NTRK2: variants seen among roughly 807,000 people sequenced by gnomAD.
NTRK2 encodes the protein BDNF/NT-3 growth factors receptor.
NTRK2 carries 13 observed loss-of-function variants against 94.5 expected under a neutral mutation model. The ratio of observed to expected loss-of-function variants is 0.14; its 90% confidence interval spans 0.09 to 0.22. The LOEUF (loss-of-function observed/expected upper bound fraction) is 0.22. NTRK2 is among the 10% of genes least tolerant of loss of function. The probability of loss-of-function intolerance (pLI) is 1.00; values close to 1 mark genes in which losing one functional copy is unlikely to be tolerated. For synonymous variants in NTRK2, 372 were observed against 407.4 expected, an observed-to-expected ratio of 0.91 and a Z score of 1.05; for missense variants, 639 against 1,071.2, an observed-to-expected ratio of 0.60 and a Z score of 5.63.
chr9:84,773,085 C>A (rs1344056694), intron 12 of NTRK2, among the ~76,000 whole-genome samples: 2 of 151,806 alleles, frequency 1.3e-5, no homozygotes, highest in African/African-American at 2.4e-5. Flanking sequence ...TTTTTTTTTA[C>A]TTTCTTAATT....
At chr9:84,849,051 T>C (rs1262383671) in intron 12 of NTRK2, among the ~76,000 whole-genome samples, 5 of 152,226 alleles carry the variant, frequency 3.3e-5, no homozygotes, top group Admixed American at 3.3e-4. Flanking sequence ...GGAGTCTTTT[T>C]ATAAGATAAA....
chr9:84,886,026 G>A (rs1050596570), intron 14 of NTRK2, among the ~76,000 whole-genome samples: 5 of 151,126 alleles, frequency 3.3e-5, no homozygotes, highest in South Asian at 2.1e-4. Flanking sequence ...GCAAGACTTC[G>A]TCTGAAAAAA....
At chr9:84,982,082 G>A (rs1827695064) in intron 17 of NTRK2, among the ~76,000 whole-genome samples, 1 of 152,180 alleles carries the variant, frequency 6.6e-6, no homozygotes, top group African/African-American at 2.4e-5. Context: ...ACATGCAATA[G>A]TATCTTTCCT....
intron 2 of NTRK2, among the ~76,000 whole-genome samples, chr9:84,700,251 G>A (rs2060640720): frequency 6.6e-6 from 1 of 152,234 alleles, no homozygotes. Flanking sequence ...AGATCATTTA[G>A]AAGAGTGAGG....
intron 14 of NTRK2, among the ~76,000 whole-genome samples, chr9:84,911,755 G>A (rs1017003859): frequency 1.3e-5 from 2 of 151,912 alleles, no homozygotes. Context: ...CAATTTTATT[G>A]ATTTCTGATC....
chr9:84,854,870 C>T (rs1268971704), intron 12 of NTRK2, among the ~76,000 whole-genome samples: 2 of 142,262 alleles, frequency 1.4e-5, no homozygotes, highest in Non-Finnish European at 3.0e-5. Context: ...TTGCTTAAAC[C>T]CAGGAGGCAG....
intron 17 of NTRK2, among the ~76,000 whole-genome samples, chr9:84,958,475 C>T (rs377353671): frequency 5.3e-5 from 8 of 152,214 alleles, no homozygotes; most frequent in East Asian, 1.9e-4. Flanking sequence ...GGAAGAATAA[C>T]GATTCCCAGT....
chr9:84,687,448 C>T (rs903289910), intron 2 of NTRK2, among the ~76,000 whole-genome samples: 20 of 152,078 alleles, frequency 1.3e-4, no homozygotes, highest in South Asian at 4.1e-4. Flanking sequence ...TCCTCTATTG[C>T]GGAGGAATTG....
intron 17 of NTRK2, among the ~76,000 whole-genome samples, chr9:85,014,350 A>G (rs1831981934): frequency 6.6e-6 from 1 of 152,196 alleles, no homozygotes; most frequent in Non-Finnish European, 1.5e-5. Context: ...GTATACCTGG[A>G]AAACGAGTGG....
At chr9:84,910,133 A>T (rs2077196291) in intron 14 of NTRK2, among the ~76,000 whole-genome samples, 1 of 152,042 alleles carries the variant, frequency 6.6e-6, no homozygotes, top group African/African-American at 2.4e-5. Context: ...GACTTAGGAG[A>T]TTTGATTTTT....
chr9:84,822,514 A>G (rs2072914798), intron 12 of NTRK2, among the ~76,000 whole-genome samples: 1 of 152,204 alleles, frequency 6.6e-6, no homozygotes, highest in Non-Finnish European at 1.5e-5. Context: ...AAAGATTTTT[A>G]TCCTGAGAAA....
chr9:84,854,020 T>C (rs1185747649), intron 12 of NTRK2, among the ~76,000 whole-genome samples: 1 of 145,860 alleles, frequency 6.9e-6, no homozygotes, highest in Non-Finnish European at 1.5e-5. Flanking sequence ...TGCAGTGAGC[T>C]GAGATCGCAC....
intron 15 of NTRK2, among the ~76,000 whole-genome samples, chr9:84,937,603 A>AT (rs1453440396): frequency 6.6e-6 from 1 of 152,114 alleles, no homozygotes; most frequent in Non-Finnish European, 1.5e-5. Flanking sequence ...CCCTTTCCTG[A>AT]TATCTTTGGA....
chr9:84,872,352 TGGG>T, intron 14 of NTRK2: 5 of 1,102,124 alleles, frequency 4.5e-6, no homozygotes, highest in Admixed American at 8.9e-5. Context: ...TCATCAATCT[TGGG>T]TTCTCTTGAA....
chr9:84,812,827 T>C (rs2071958062), intron 12 of NTRK2: 1 of 1,038,278 alleles, frequency 9.6e-7, no homozygotes, highest in South Asian at 4.6e-5. Flanking sequence ...TAGATTTTTG[T>C]TTTAAAATGG....
chr9:84,730,439 T>C (rs1478157058), intron 9 of NTRK2, among the ~76,000 whole-genome samples: 1 of 151,936 alleles, frequency 6.6e-6, no homozygotes, highest in African/African-American at 2.4e-5. Context: ...ATTAACCTCC[T>C]TTAAAACTAA....
At chr9:85,008,806 A>G (rs1053836133) in intron 17 of NTRK2, among the ~76,000 whole-genome samples, 7 of 152,210 alleles carry the variant, frequency 4.6e-5, no homozygotes, top group African/African-American at 7.2e-5. Context: ...GTGGAGCAGG[A>G]CTGTGTCAAA....
intron 17 of NTRK2, among the ~76,000 whole-genome samples, chr9:85,003,335 G>A (rs550453349): frequency 6.2e-4 from 95 of 152,200 alleles, no homozygotes; most frequent in Non-Finnish European, 1.1e-3. Context: ...CCGCTGCTCA[G>A]CACTATACTG....
chr9:84,805,851 C>T (rs1022795740), intron 12 of NTRK2, among the ~76,000 whole-genome samples: 4 of 152,228 alleles, frequency 2.6e-5, no homozygotes, highest in Admixed American at 2.0e-4. Flanking sequence ...CTAGCACACT[C>T]AGCCTCCTGG....
Sources: allele counts gnomAD v4.1 joint callset (sites outside exome capture counted in the v4.1 genomes callset), GRCh38; gene constraint gnomAD v4.1.1; transcripts MANE v1.5; gene names NCBI Gene and HGNC (gene_info 2026-07-23, HGNC 2026-07-21).